NFIB: variants seen among roughly 807,000 people sequenced by gnomAD.
NFIB encodes the protein nuclear factor I B.
Under a neutral mutation model 61.5 loss-of-function variants are expected in NFIB, and 11 were observed. The ratio of observed to expected loss-of-function variants is 0.18; its 90% CI spans 0.11 to 0.30. The LOEUF (loss-of-function observed/expected upper bound fraction) is 0.30. Ranked by LOEUF, NFIB falls within the 10% of genes least tolerant of loss-of-function variation. NFIB has a pLI of 1.00. For synonymous variants in NFIB, 260 were observed against 216.5 expected, an observed-to-expected ratio of 1.20 and a Z score of -1.76; for missense variants, 471 against 608.9, an observed-to-expected ratio of 0.77 and a Z score of 2.38.
At chr9:14,269,995 T>C (rs2057484028) in intron 2 of NFIB, among the ~76,000 whole-genome samples, 1 of 152,190 alleles carries the variant, frequency 6.6e-6, no homozygotes, top group African/African-American at 2.4e-5. Context: ...AAATTCATTA[T>C]TTATACAGGT....
At chr9:14,224,629 G>T (rs923703391) in intron 2 of NFIB, among the ~76,000 whole-genome samples, 1 of 152,232 alleles carries the variant, frequency 6.6e-6, no homozygotes. Flanking sequence ...ATTAGGTATT[G>T]TAAGTAGAGA....
In NFIB at chr9:14,267,852, G is replaced by C. The variant is rs570295325; in HGVS notation, c.562+39137C>G. On this transcript the variant is annotated intron_variant, in intron 2 of 10. Coordinates refer to ENST00000380953, the MANE Select transcript of NFIB (RefSeq NM_001190737.2). Reference sequence around the variant, plus strand: ...CTGTTTTAGGTTCTAAATATTCAGGGCTGGGCGCAGTGGCTCACGCCTGTA... The same window carrying C: ...CTGTTTTAGGTTCTAAATATTCAGGCCTGGGCGCAGTGGCTCACGCCTGTA... Among the ~76,000 whole-genome samples the C allele has an allele frequency of 2.0e-5, 3 of 152,260 alleles. No individual in the cohort carries two copies. In the South Asian group the frequency reaches 6.2e-4, roughly 32 times the overall value.
intron 2 of NFIB, among the ~76,000 whole-genome samples, chr9:14,258,846 C>T (rs1173983330): frequency 6.6e-6 from 1 of 152,150 alleles, no homozygotes; most frequent in African/African-American, 2.4e-5. Flanking sequence ...GCACACAACA[C>T]ACTTGCTCAA....
intron 6 of NFIB, among the ~76,000 whole-genome samples, chr9:14,146,289 C>T (rs1422938768): frequency 6.6e-6 from 1 of 152,086 alleles, no homozygotes; most frequent in Non-Finnish European, 1.5e-5. Flanking sequence ...TAAATGACAA[C>T]TTTCAGTTCC....
At chr9:14,224,897 G>A (rs2052173414) in intron 2 of NFIB, among the ~76,000 whole-genome samples, 1 of 152,184 alleles carries the variant, frequency 6.6e-6, no homozygotes, top group South Asian at 2.1e-4. Flanking sequence ...TTCTTTGAAA[G>A]AACCTGTTGG....
chr9:14,343,072 C>A lies in NFIB; in HGVS notation c.109-35552G>T, dbSNP rs537661414. Among the ~76,000 whole-genome samples, 35 of 152,026 alleles carry A rather than the reference C, an allele frequency of 2.3e-4. No individual in the cohort carries two copies. The South Asian group carries it at 5.8e-3, about 25-fold the overall frequency. On this transcript the variant is annotated intron_variant, in intron 1 of 8. Coordinates refer to the NFIB transcript ENST00000380934. Reference sequence around the variant, plus strand: ...GCCGGGGGGGTAGGGGAGTGGGTGGCGAGGGGATGCCACCATTTTGCCAAC... The same window carrying A: ...GCCGGGGGGGTAGGGGAGTGGGTGGAGAGGGGATGCCACCATTTTGCCAAC...
At chr9:14,364,014 C>T (rs1013209442) in intron 1 of NFIB, among the ~76,000 whole-genome samples, 2 of 152,130 alleles carry the variant, frequency 1.3e-5, no homozygotes, top group Non-Finnish European at 1.5e-5. Flanking sequence ...TTGCAAACAT[C>T]ATTTTACTCT....
At chr9:14,187,283 C>G (rs2047484720) in intron 2 of NFIB, among the ~76,000 whole-genome samples, 1 of 152,070 alleles carries the variant, frequency 6.6e-6, no homozygotes, top group Non-Finnish European at 1.5e-5. Flanking sequence ...CGTACTCCTC[C>G]TAAACCCAGT....
chr9:14,340,772 C>A (rs2060940140), intron 1 of NFIB, among the ~76,000 whole-genome samples: 1 of 152,148 alleles, frequency 6.6e-6, no homozygotes, highest in Admixed American at 6.5e-5. Flanking sequence ...TTTTTCCAAA[C>A]TTAACTTTTG....
rs1310854117 is a variant in NFIB at position 14,179,773 on chromosome 9, T to C, written c.570A>G (p.Gly190=). Residue 190 remains glycine, a synonymous_variant, in exon 3 of 11, where the codon GGA becomes GGG. Coordinates refer to ENST00000380953, the MANE Select transcript of NFIB (RefSeq NM_001190737.2). ...LAYYVQEQDS[G]QSGSPSHNDP... ...CATTGTGGCTTGGACTTCCTGATTGTCCAGAATCTGTAAAGAAATCACAGA... is the reference window on the plus strand; with the variant it reads ...CATTGTGGCTTGGACTTCCTGATTGCCCAGAATCTGTAAAGAAATCACAGA... 2 of 1,613,346 alleles carry C rather than the reference T, an allele frequency of 1.2e-6. No homozygotes were observed. The highest frequency in any genetic ancestry group is 1.7e-5 in the Admixed American group (1 of 59,968).
intron 1 of NFIB, among the ~76,000 whole-genome samples, chr9:14,356,985 G>T (rs1346135100): frequency 6.6e-6 from 1 of 152,160 alleles, no homozygotes; most frequent in African/African-American, 2.4e-5. Context: ...TTCTATTTCT[G>T]CTCAGTACTG....
At chr9:14,514,916 A>T in the NFIB span, among the ~76,000 whole-genome samples, 1 of 152,194 alleles carries the variant, frequency 6.6e-6, no homozygotes, top group Non-Finnish European at 1.5e-5. Flanking sequence ...ATGTAGCCAT[A>T]GTTGAGAACC....
At chr9:14,311,894 A>T (rs530255152) in intron 1 of NFIB, among the ~76,000 whole-genome samples, 85 of 152,346 alleles carry the variant, frequency 5.6e-4, no homozygotes, top group African/African-American at 2.0e-3. Context: ...ACAGCTTATC[A>T]GAAAGAGAAA....
rs1174358325 is a variant in NFIB at position 14,120,252 on chromosome 9, A to C, written c.1245+188T>G. ...CTTCACAAATGTACCCTTTGGGGCA[A>C]CACACTTCCTACCTGTCATTCAGCC... On this transcript the variant is annotated intron_variant, in intron 8 of 10. Coordinates refer to ENST00000380953, the MANE Select transcript of NFIB (RefSeq NM_001190737.2). This position sits in a 1 kb window ranked among gnomAD's most constrained non-coding sequence, Gnocchi z 4.4. Among the ~76,000 whole-genome samples the C allele has an allele frequency of 6.6e-6, 1 of 152,184 alleles. No homozygotes were observed. The highest frequency in any genetic ancestry group is 2.4e-5 in the African/African-American group (1 of 41,434).
intron 10 of NFIB, chr9:14,093,528 G>C (rs952194647): frequency 3.3e-5 from 5 of 151,992 alleles, no homozygotes; most frequent in African/African-American, 1.2e-4. Context: ...AGAAAGCATG[G>C]GGAATAAATA....
In NFIB at chr9:14,155,816, T is replaced by G; in HGVS notation, c.685+9A>C. 1 of 1,541,224 alleles carries G rather than the reference T, an allele frequency of 6.5e-7. No individual in the cohort carries two copies. The highest frequency in any genetic ancestry group is 8.8e-7 in the Non-Finnish European group (1 of 1,130,508). Reference sequence around the variant, plus strand: ...GCATGCTTAAGTAGTAACAAAACAATTTACTTACTTCTGGATACTCTTACA... The same window carrying G: ...GCATGCTTAAGTAGTAACAAAACAAGTTACTTACTTCTGGATACTCTTACA... On this transcript the variant is annotated intron_variant, in intron 4 of 10. Coordinates refer to ENST00000380953, the MANE Select transcript of NFIB (RefSeq NM_001190737.2).
intron 2 of NFIB, among the ~76,000 whole-genome samples, chr9:14,231,133 AAAATATATATATAT>A (rs1281649322): frequency 3.1e-4 from 21 of 67,212 alleles, no homozygotes; most frequent in African/African-American, 1.2e-3. Context: ...AAAAAAAAAA[AAAATATATATATAT>A]ATATATATAT....
chr9:14,495,858 G>A, the NFIB span, among the ~76,000 whole-genome samples: 1 of 152,106 alleles, frequency 6.6e-6, no homozygotes, highest in Non-Finnish European at 1.5e-5. Flanking sequence ...AATCTATTCT[G>A]CTCTAATCCA....
the NFIB span, among the ~76,000 whole-genome samples, chr9:14,407,067 C>A: frequency 6.6e-6 from 1 of 152,278 alleles, no homozygotes; most frequent in Admixed American, 6.5e-5. Context: ...CTCTTGGCAA[C>A]CCTGTGAGCT....
Sources: allele counts gnomAD v4.1 joint callset (sites outside exome capture counted in the v4.1 genomes callset), GRCh38; gene constraint gnomAD v4.1.1; non-coding constraint Gnocchi (gnomAD v3.1); transcripts MANE v1.5; gene names NCBI Gene and HGNC (gene_info 2026-07-23, HGNC 2026-07-21).